The following OGFOD3 variants were observed in gnomAD, a reference collection of about 807,000 sequenced individuals.
OGFOD3 encodes the protein 2-oxoglutarate and iron-dependent oxygenase domain-containing protein 3.
In OGFOD3, 35 loss-of-function variants were observed where a neutral mutation model predicts 39.8. The observed-to-expected ratio is 0.88, with a 90% CI of 0.67 to 1.17. The LOEUF (loss-of-function observed/expected upper bound fraction) is 1.17, where lower values mean the gene tolerates loss of function less well. Among genes scored for constraint, OGFOD3 ranks in the 50% most tolerant of loss-of-function variants. OGFOD3 has a pLI of 0.00. For synonymous variants in OGFOD3, 200 were observed against 192.0 expected (o/e 1.04, Z -0.34); for missense variants, 438 against 454.5 (o/e 0.96, Z 0.33).
At chr17:82,403,712 G>A (rs1192004205) in intron 7 of OGFOD3, among the ~76,000 whole-genome samples, 2 of 152,184 alleles carry the variant, frequency 1.3e-5, no homozygotes, top group Admixed American at 1.3e-4. Flanking sequence ...CAGGCCACGG[G>A]AGAACAGGCC....
intron 7 of OGFOD3, 30 bp from the exon 8 acceptor site, chr17:82,398,349 A>G: frequency 6.2e-7 from 1 of 1,613,504 alleles, no homozygotes. Context: ...GAGGGGGCAG[A>G]ATGGGCTCTC....
At chr17:82,411,889 C>A (rs1027346555) in intron 2 of OGFOD3, among the ~76,000 whole-genome samples, 13 of 152,186 alleles carry the variant, frequency 8.5e-5, no homozygotes, top group African/African-American at 3.1e-4. Context: ...CTGAGACCAC[C>A]AGAGCAGAAA....
Position 82,401,760 on chromosome 17 carries a change from C to T in OGFOD3, c.699+2177G>A, listed in dbSNP as rs1052230591. Among the ~76,000 whole-genome samples the T allele has an allele frequency of 9.4e-5, 13 of 138,174 alleles. No homozygotes were observed. The East Asian group carries it at 1.5e-3, about 16-fold the overall frequency. 90.6% of individuals were successfully genotyped at this position (138,174 alleles called of 152,430 possible). The stretch of plus-strand genomic sequence containing the variant: ...CAGAGGTTGCAGTGAGCTGAGATCG[C>T]GCCACAGCACTCCAGCCTGGGTGGC... On this transcript the variant is annotated intron_variant, in intron 7 of 8. Coordinates refer to ENST00000313056, the MANE Select transcript of OGFOD3 (RefSeq NM_024648.3).
chr17:82,398,663 T>G (rs909500337), intron 7 of OGFOD3, among the ~76,000 whole-genome samples: 3 of 152,000 alleles, frequency 2.0e-5, no homozygotes, highest in Non-Finnish European at 4.4e-5. Flanking sequence ...CCTCCCAAAG[T>G]GCTGGGATTA....
chr17:82,398,120 A>C (rs112258950), intron 8 of OGFOD3, 76 bp downstream of exon 8: 1 of 1,575,878 alleles, frequency 6.3e-7, no homozygotes. Flanking sequence ...CCTCGCTCCC[A>C]GGGACACGCC....
At position 82,411,392 on chromosome 17, in the gene OGFOD3, C is replaced by T. The variant is rs979539042; in HGVS notation, c.380+63G>A. ...TTATTACTAACAATGCTCTGCTTCC[C>T]GCCCTAGCCCCACTCCGCGTGTGTT... On this transcript the variant is annotated intron_variant, in intron 3 of 8. Coordinates refer to ENST00000313056, the MANE Select transcript of OGFOD3 (RefSeq NM_024648.3). 5.4e-5 allele frequency: 78 copies of T among 1,453,396 alleles called. No individual in the cohort carries two copies. In the East Asian group the frequency reaches 1.1e-3, roughly 21 times the overall value. The allele number at this position is 1,453,396 out of a possible 1,614,324, so 90.0% of individuals were successfully genotyped here.
At chr17:82,418,373 C>T (rs779875532) in intron 1 of OGFOD3, 39 bp downstream of exon 1, 33 of 1,418,562 alleles carry the variant, frequency 2.3e-5, no homozygotes, top group Middle Eastern at 2.4e-4. Context: ...TGGCCCTGTC[C>T]GCCGCCGCAG....
At chr17:82,408,055 A>C (rs1328767551) in intron 4 of OGFOD3, among the ~76,000 whole-genome samples, 1 of 152,200 alleles carries the variant, frequency 6.6e-6, no homozygotes. Context: ...AGGCAGAAGA[A>C]TGGCTTGAAC....
intron 7 of OGFOD3, among the ~76,000 whole-genome samples, chr17:82,402,093 A>G (rs750275439): frequency 2.0e-5 from 3 of 152,170 alleles, no homozygotes; most frequent in East Asian, 1.9e-4. Context: ...AAGAATTGCT[A>G]TAATACCATT....
rs546892008 is a variant in OGFOD3 at position 82,416,423 on chromosome 17, G to A, written c.75-796C>T. 5.3e-5 allele frequency among the ~76,000 whole-genome samples: 8 copies of A among 152,258 alleles called. No individual in the cohort carries two copies. The South Asian group carries it at 1.7e-3, about 32-fold the overall frequency. On this transcript the variant is annotated intron_variant, in intron 1 of 8. Transcript: ENST00000313056. ...ACACAGGGGTGAACACTAAGGACGG[G>A]GGCCACTGGAGGAAGGTTGTTTCCA...
chr17:82,412,711 G>A (rs547040489), intron 2 of OGFOD3, among the ~76,000 whole-genome samples: 14 of 152,270 alleles, frequency 9.2e-5, no homozygotes, highest in Admixed American at 5.9e-4. Context: ...CCAGGGACCC[G>A]CCCCTGTGGT....
rs922379570 is a variant in OGFOD3 at position 82,392,294 on chromosome 17, A to C, written c.*104T>G. On this transcript the variant is annotated 3_prime_UTR_variant, in exon 9 of 9. Coordinates refer to ENST00000313056, the MANE Select transcript of OGFOD3 (RefSeq NM_024648.3). This position sits in a 1 kb window ranked among gnomAD's most constrained non-coding sequence, Gnocchi z 4.2. Reference sequence around the variant, plus strand: ...GCAAATCAAAATCAGAGAATTCCTAAGGCACTCTGTGCAACAGGAGCGGGT... The same window carrying C: ...GCAAATCAAAATCAGAGAATTCCTACGGCACTCTGTGCAACAGGAGCGGGT... The C allele has an allele frequency of 8.0e-7, 1 of 1,251,508 alleles. No individual in the cohort carries two copies. Among genetic ancestry groups the C allele is most frequent in the Non-Finnish European group, 1.1e-6 (1 of 905,182 alleles). The allele number at this position is 1,251,508 out of a possible 1,614,324, so 77.5% of individuals were successfully genotyped here.
chr17:82,398,403 G>A, intron 7 of OGFOD3, 84 bp from the exon 8 acceptor site: 1 of 1,524,056 alleles, frequency 6.6e-7, no homozygotes, highest in Non-Finnish European at 8.9e-7. Context: ...CTTATTTTTT[G>A]TTTATTTATT....
At chr17:82,398,948 T>G (rs991209883) in intron 7 of OGFOD3, among the ~76,000 whole-genome samples, 5 of 142,178 alleles carry the variant, frequency 3.5e-5, no homozygotes, top group Non-Finnish European at 7.5e-5. Context: ...GTGCTGGGAT[T>G]AGAGGCATGA....
Position 82,394,420 on chromosome 17 carries a change from C to T in OGFOD3, c.824-1886G>A, listed in dbSNP as rs761796187. Reference sequence around the variant, plus strand: ...TTCCAGAATCGCATGTGTCTCTCCCCTCTCGGGCGGGTGGTGAGTCCCCGG... The same window carrying T: ...TTCCAGAATCGCATGTGTCTCTCCCTTCTCGGGCGGGTGGTGAGTCCCCGG... On this transcript the variant is annotated intron_variant, in intron 8 of 8. Coordinates refer to ENST00000313056, the MANE Select transcript of OGFOD3 (RefSeq NM_024648.3). 45 of 1,612,380 alleles carry T rather than the reference C, an allele frequency of 2.8e-5. 3 individuals carry two copies. In the South Asian group the frequency reaches 4.6e-4, roughly 17 times the overall value.
At position 82,409,380 on chromosome 17, in the gene OGFOD3, TC is replaced by T; in HGVS notation, c.410del (p.Gly137AspfsTer23). The T allele has an allele frequency of 6.2e-7, 1 of 1,613,976 alleles. No homozygotes were observed. The highest frequency in any genetic ancestry group is 8.5e-7 in the Non-Finnish European group (1 of 1,179,946). On this transcript the variant is annotated frameshift_variant, in exon 4 of 9. Transcript: ENST00000313056. LOFTEE classifies it high-confidence loss of function. ...ACATTCAACTCACCCCTCCGTCAGA[TC>T]CTCCCAGGGAGAGCCCCTTTTCAGC... The part of the protein sequence containing the change: ...SVAEKGLSLG[G>X]SDGGASILDL...
At chr17:82,411,559 A>G (rs767259774) in intron 2 of OGFOD3, 29 bp from the exon 3 acceptor site, 1 of 1,602,170 alleles carries the variant, frequency 6.2e-7, no homozygotes, top group Admixed American at 1.7e-5. Flanking sequence ...GGTGAGACGC[A>G]GTTTCCAAGG....
intron 8 of OGFOD3, chr17:82,396,617 T>G (rs1232539938): frequency 6.6e-6 from 1 of 152,254 alleles, no homozygotes; most frequent in Non-Finnish European, 1.5e-5. Context: ...GTATTTATCA[T>G]GCTTAAAATG....
At chr17:82,416,791 C>T (rs1235470263) in intron 1 of OGFOD3, among the ~76,000 whole-genome samples, 1 of 152,170 alleles carries the variant, frequency 6.6e-6, no homozygotes, top group Non-Finnish European at 1.5e-5. Context: ...CTGCCCCAGC[C>T]TCCTAAGTAG....
Sources: gnomAD v4.1 joint callset for allele counts (sites outside exome capture counted in the v4.1 genomes callset) on GRCh38, gnomAD v4.1.1 for gene constraint, Gnocchi (gnomAD v3.1) non-coding constraint, MANE v1.5 for transcripts, NCBI Gene and HGNC (gene_info 2026-07-23, HGNC 2026-07-21) for gene names.